MED12L: variants seen among roughly 807,000 people sequenced by gnomAD.
MED12L encodes the protein mediator complex subunit 12L.
Under a neutral mutation model 281.3 loss-of-function variants are expected in MED12L, and 60 were observed. The observed-to-expected ratio is 0.21, with a 90% CI of 0.17 to 0.26. MED12L has a LOEUF of 0.26. Ranked by LOEUF, MED12L falls within the 10% of genes least tolerant of loss-of-function variation. MED12L has a pLI of 1.00. For synonymous variants in MED12L, 974 were observed against 987.2 expected, an observed-to-expected ratio of 0.99 and a Z score of 0.25; for missense variants, 2,146 against 2,680.9, an observed-to-expected ratio of 0.80 and a Z score of 4.41.
intron 11 of MED12L, among the ~76,000 whole-genome samples, chr3:151,169,321 A>G (rs1721137224): frequency 6.6e-6 from 1 of 151,476 alleles, no homozygotes; most frequent in South Asian, 2.1e-4. Flanking sequence ...GGGTTTCACC[A>G]TGTTGGCCAG....
intron 39 of MED12L, among the ~76,000 whole-genome samples, chr3:151,397,829 A>G (rs1385446816): frequency 6.6e-6 from 1 of 152,222 alleles, no homozygotes; most frequent in Non-Finnish European, 1.5e-5. Context: ...TTTTTATTCC[A>G]GAGGTCCATT....
chr3:151,371,328 A>G (rs1756156975), intron 26 of MED12L, among the ~76,000 whole-genome samples: 1 of 152,206 alleles, frequency 6.6e-6, no homozygotes, highest in Non-Finnish European at 1.5e-5. Flanking sequence ...AGTTGTTTAC[A>G]TCACCTAACG....
intron 43 of MED12L, among the ~76,000 whole-genome samples, chr3:151,419,740 C>T (rs1254253490): frequency 1.3e-5 from 2 of 152,174 alleles, no homozygotes; most frequent in African/African-American, 2.4e-5. Flanking sequence ...ATACAACTAT[C>T]CTTCCTGCAA....
intron 7 of MED12L, among the ~76,000 whole-genome samples, chr3:151,159,072 C>A (rs995868898): frequency 7.2e-5 from 11 of 152,098 alleles, no homozygotes; most frequent in Non-Finnish European, 1.5e-4. Flanking sequence ...GCAAAGCAAC[C>A]AACTTTTAAA....
At chr3:151,399,503 T>C (rs189637163) in intron 39 of MED12L, among the ~76,000 whole-genome samples, 9 of 152,346 alleles carry the variant, frequency 5.9e-5, no homozygotes, top group African/African-American at 2.2e-4. Context: ...TGTTGTTTTG[T>C]CATCCTAATT....
intron 16 of MED12L, among the ~76,000 whole-genome samples, chr3:151,217,311 T>C (rs904646033): frequency 4.6e-5 from 7 of 152,240 alleles, no homozygotes; most frequent in African/African-American, 1.7e-4. Flanking sequence ...TTTTGTATTT[T>C]TGAGCTGCAG....
chr3:151,304,926 G>C (rs1417018359), intron 16 of MED12L, among the ~76,000 whole-genome samples: 1 of 152,144 alleles, frequency 6.6e-6, no homozygotes, highest in African/African-American at 2.4e-5. Flanking sequence ...GGGGTTGAGG[G>C]GGGTGGATCC....
chr3:151,198,635 G>T (rs185341982), intron 16 of MED12L: 2 of 1,613,944 alleles, frequency 1.2e-6, no homozygotes, highest in Non-Finnish European at 1.7e-6. Context: ...TATGACTTCT[G>T]TCTGGCTGAG....
chr3:151,209,455 T>C (rs1576974791), intron 16 of MED12L, among the ~76,000 whole-genome samples: 1 of 152,336 alleles, frequency 6.6e-6, no homozygotes, highest in South Asian at 2.1e-4. Context: ...AAAGTGGTTT[T>C]TTTGACGGGC....
In MED12L at chr3:151,122,397, T is replaced by C. The variant is rs183805145; in HGVS notation, c.205-386T>C. ...AAAAGAATGATTACCGAGTGATTAC[T>C]AGGCTTTCTCCTCTCAGGGAAAGCA... is the stretch of plus-strand genomic sequence containing the variant. On this transcript the variant is annotated intron_variant, in intron 3 of 44. Transcript: ENST00000687756. 4.6e-5 allele frequency among the ~76,000 whole-genome samples: 7 copies of C among 152,352 alleles called. No individual in the cohort carries two copies. The East Asian group carries it at 1.3e-3, about 29-fold the overall frequency.
At chr3:151,204,534 G>A (rs1284540418) in intron 16 of MED12L, among the ~76,000 whole-genome samples, 1 of 152,208 alleles carries the variant, frequency 6.6e-6, no homozygotes, top group Non-Finnish European at 1.5e-5. Context: ...GAACCACTGT[G>A]AACTTCATCA....
chr3:151,233,226 C>A (rs1180857113), intron 16 of MED12L, among the ~76,000 whole-genome samples: 2 of 152,202 alleles, frequency 1.3e-5, no homozygotes, highest in African/African-American at 4.8e-5. Context: ...CTCTCGTGCC[C>A]TCTGAGTTTA....
At chr3:151,201,749 G>A (rs1725623500) in intron 16 of MED12L, among the ~76,000 whole-genome samples, 2 of 152,172 alleles carry the variant, frequency 1.3e-5, no homozygotes, top group Admixed American at 1.3e-4. Flanking sequence ...TTGGAATTTT[G>A]AACATACTTT....
intron 16 of MED12L, among the ~76,000 whole-genome samples, chr3:151,289,961 A>C (rs988673125): frequency 6.6e-6 from 1 of 151,468 alleles, no homozygotes; most frequent in African/African-American, 2.4e-5. Context: ...GATCACTGCA[A>C]CCTCCGCCTC....
chr3:151,265,224 C>T (rs931044493), intron 16 of MED12L, among the ~76,000 whole-genome samples: 1 of 152,182 alleles, frequency 6.6e-6, no homozygotes, highest in African/African-American at 2.4e-5. Context: ...GGGAGCTACT[C>T]ATAGAATATA....
At chr3:151,267,705 C>T (rs538548029) in intron 16 of MED12L, among the ~76,000 whole-genome samples, 19 of 152,082 alleles carry the variant, frequency 1.2e-4, no homozygotes, top group African/African-American at 4.3e-4. Flanking sequence ...CAGTTTTCAA[C>T]AGAGCTGCTG....
chr3:151,109,938 T>G (rs1163468317), intron 2 of MED12L, among the ~76,000 whole-genome samples: 1 of 152,116 alleles, frequency 6.6e-6, no homozygotes, highest in Non-Finnish European at 1.5e-5. Context: ...GTGCCTCACG[T>G]TTTTGGGATC....
In MED12L at chr3:151,406,975, A is replaced by AT. The variant is rs566537158; in HGVS notation, c.5821-2262dup. On this transcript the variant is annotated intron_variant, in intron 39 of 44. Transcript: ENST00000687756. ...TCAGCACATCCAGCTAATTTTTTGT[A>AT]TTTTTTGTAGAGATCAGATTTCACC... is the stretch of plus-strand genomic sequence containing the variant. Among the ~76,000 whole-genome samples, 987 of 151,706 alleles carry AT rather than the reference A, an allele frequency of 6.5e-3. 12 individuals are homozygous for AT. The highest frequency in any genetic ancestry group is 0.023 in the African/African-American group (934 of 41,356).
chr3:151,393,122 T>A (rs994221848), intron 38 of MED12L, among the ~76,000 whole-genome samples: 1 of 152,172 alleles, frequency 6.6e-6, no homozygotes, highest in African/African-American at 2.4e-5. Context: ...CTCACTCATT[T>A]TAGAGGTTTC....
Sources: allele counts gnomAD v4.1 joint callset (sites outside exome capture counted in the v4.1 genomes callset), GRCh38; gene constraint gnomAD v4.1.1; transcripts MANE v1.5; gene names NCBI Gene and HGNC (gene_info 2026-07-23, HGNC 2026-07-21).